KIF1A: variants seen among roughly 807,000 people sequenced by gnomAD.
KIF1A encodes kinesin family member 1A.
In KIF1A, 46 loss-of-function variants were observed where a neutral mutation model predicts 227.3. The ratio of observed to expected loss-of-function variants is 0.20; its 90% CI spans 0.16 to 0.26. The LOEUF is 0.26. KIF1A is among the 10% of genes least tolerant of loss of function. The probability of loss-of-function intolerance (pLI) is 1.00; values close to 1 mark genes in which losing one functional copy is unlikely to be tolerated. For synonymous variants in KIF1A, 1,022 were observed against 1,012.8 expected (o/e 1.01, Z -0.17); for missense variants, 1,683 against 2,485.9 (o/e 0.68, Z 6.87).
intron 33 of KIF1A, 110 bp from the exon 34 acceptor site, chr2:240,743,094 T>C (rs536856373): frequency 5.0e-6 from 4 of 798,910 alleles, no homozygotes. Flanking sequence ...CCTCCCACCC[T>C]CTCTTCTCCA....
Position 240,719,837 on chromosome 2 carries a change from G to A in KIF1A, c.4958C>T (p.Ala1653Val), listed in dbSNP as rs956276810. 1 of 1,611,514 alleles carries A rather than the reference G, an allele frequency of 6.2e-7. No individual in the cohort carries two copies. Among genetic ancestry groups the A allele is most frequent in the Non-Finnish European group, 8.5e-7 (1 of 1,179,156 alleles). ...DSKKLPSPAR[A>V]TETDKEPQRL... The stretch of plus-strand genomic sequence containing the variant: ...CTGGGGCTCCTTGTCTGTCTCTGTT[G>A]CCCGGGCAGGGGAAGGGAGCTTCTT... Residue 1653 changes from alanine to valine, a missense_variant, in exon 46 of 49, where the codon GCA becomes GTA. Physicochemically the swap from Ala to Val is moderately conservative, Grantham distance 64 (BLOSUM62 0). Coordinates refer to ENST00000498729, the MANE Select transcript of KIF1A (RefSeq NM_001244008.2).
chr2:240,735,833 C>A (rs954990530), intron 38 of KIF1A, among the ~76,000 whole-genome samples: 4 of 152,156 alleles, frequency 2.6e-5, no homozygotes, highest in Admixed American at 1.3e-4. Context: ...GTGCTCCCCC[C>A]TCATGGCACC....
intron 10 of KIF1A, among the ~76,000 whole-genome samples, chr2:240,779,621 CAGTTCCACACTCAGTTCCTCACTCACTT>C (rs2053328461): frequency 1.3e-5 from 2 of 151,280 alleles, no homozygotes; most frequent in African/African-American, 4.9e-5. Flanking sequence ...GTTCCTCACT[CAGTTCCACACTCAGTTCCTCACTCACTT>C]CCTCACAGTT....
intron 10 of KIF1A, among the ~76,000 whole-genome samples, chr2:240,777,452 G>A (rs56261100): frequency 1.4e-4 from 22 of 152,026 alleles, no homozygotes; most frequent in Non-Finnish European, 2.8e-4. Context: ...CTTCAGCAAG[G>A]AGCCCAGCAG....
At chr2:240,769,541 G>C in intron 16 of KIF1A, 86 bp downstream of exon 16, 1 of 1,136,570 alleles carries the variant, frequency 8.8e-7, no homozygotes, top group South Asian at 1.4e-5. Context: ...CAGCACTGGA[G>C]GGCAGGGCTC....
intron 37 of KIF1A, among the ~76,000 whole-genome samples, chr2:240,737,899 G>C (rs536916086): frequency 2.9e-4 from 44 of 152,350 alleles, no homozygotes; most frequent in Non-Finnish European, 6.0e-4. Context: ...GCATGGACAA[G>C]ATAAAACCCA....
Position 240,789,185 on chromosome 2 carries a change from T to C in KIF1A, c.183+51A>G. On this transcript the variant is annotated intron_variant, in intron 3 of 48. Coordinates refer to ENST00000498729, the MANE Select transcript of KIF1A (RefSeq NM_001244008.2). The surrounding 1 kb of genome is among the most constrained non-coding windows in gnomAD (Gnocchi z 4.8). ...AAGTTGAGGGACCCCGAGGGCCACATGGCCTATGCACTGCTGCCCCCGCCT... is the reference window on the plus strand; with the variant it reads ...AAGTTGAGGGACCCCGAGGGCCACACGGCCTATGCACTGCTGCCCCCGCCT... 6.9e-7 allele frequency: 1 copy of C among 1,444,294 alleles called. No individual in the cohort carries two copies. Among genetic ancestry groups the C allele is most frequent in the Non-Finnish European group, 9.7e-7 (1 of 1,026,304 alleles). 89.5% of individuals were successfully genotyped at this position (1,444,294 alleles called of 1,614,324 possible). A position where few individuals can be genotyped will look rare whatever the true frequency, so the allele number is the denominator to read the frequency against.
intron 38 of KIF1A, among the ~76,000 whole-genome samples, chr2:240,731,902 AGGGGAGGAG>A (rs1247688783): frequency 8.8e-5 from 2 of 22,830 alleles, no homozygotes; most frequent in Non-Finnish European, 1.8e-4. Flanking sequence ...GGAGGGGAGG[AGGGGAGGAG>A]GGGAGGAGGG....
At position 240,758,699 on chromosome 2, in the gene KIF1A, C is replaced by A. The variant is rs1364674176; in HGVS notation, c.2445-202G>T. ...GGTCAGTCACAAGTAACGTACTCAG[C>A]TAAGCACGCAAGGTCACCAACAGCT... On this transcript the variant is annotated intron_variant, in intron 25 of 48. Coordinates refer to ENST00000498729, the MANE Select transcript of KIF1A (RefSeq NM_001244008.2). The surrounding 1 kb of genome is among the most constrained non-coding windows in gnomAD (Gnocchi z 5.2). Among the ~76,000 whole-genome samples the A allele has an allele frequency of 6.6e-6, 1 of 152,180 alleles. No individual in the cohort carries two copies. Among genetic ancestry groups the A allele is most frequent in the Non-Finnish European group, 1.5e-5 (1 of 68,030 alleles).
chr2:240,814,609 G>A (rs986150839), intron 1 of KIF1A, among the ~76,000 whole-genome samples: 11 of 152,134 alleles, frequency 7.2e-5, no homozygotes, highest in African/African-American at 1.7e-4. Context: ...CTGGAGGTGC[G>A]ATAAAAGGGA....
Position 240,793,136 on chromosome 2 carries a change from G to A in KIF1A, c.107-3824C>T, listed in dbSNP as rs2055936998. ...TGCCCGTGCAGAGGGGCTTGCCCAG[G>A]TCCCCGACTGCTCGGGATTGGGGGA... On this transcript the variant is annotated intron_variant, in intron 2 of 48. Transcript: ENST00000498729. The surrounding 1 kb of genome is among the most constrained non-coding windows in gnomAD (Gnocchi z 4.8). Among the ~76,000 whole-genome samples, 4 of 152,310 alleles carry A rather than the reference G, an allele frequency of 2.6e-5. No homozygotes were observed. The South Asian group carries it at 8.3e-4, about 32-fold the overall frequency.
chr2:240,728,397 A>C, intron 38 of KIF1A: 1 of 1,302,604 alleles, frequency 7.7e-7, no homozygotes, highest in Non-Finnish European at 1.0e-6. Flanking sequence ...ACCTAGTGTC[A>C]TTTCCCAATG....
In KIF1A at chr2:240,720,170, C is replaced by T. The variant is rs1351605609; in HGVS notation, c.4869-244G>A. ...TCCCCCAGGAACCTCGGGGCCCAGC[C>T]AGGGAGCCTGTGCCCCACTCCACGC... is the stretch of plus-strand genomic sequence containing the variant. On this transcript the variant is annotated intron_variant, in intron 45 of 48. Coordinates refer to ENST00000498729, the MANE Select transcript of KIF1A (RefSeq NM_001244008.2). The T allele has an allele frequency of 7.3e-6, 3 of 408,732 alleles. No homozygotes were observed. The East Asian group carries it at 1.2e-4, about 16-fold the overall frequency. The allele number at this position is 408,732 out of a possible 1,614,324, so 25.3% of individuals were successfully genotyped here.
chr2:240,762,980 G>A (rs765327094), intron 22 of KIF1A, 39 bp downstream of exon 22: 25 of 1,438,148 alleles, frequency 1.7e-5, no homozygotes, highest in Non-Finnish European at 2.2e-5. Context: ...CCTGGTGTGG[G>A]TGGGGGCTGG....
intron 6 of KIF1A, among the ~76,000 whole-genome samples, chr2:240,785,447 T>C (rs1210357512): frequency 6.6e-6 from 1 of 152,146 alleles, no homozygotes; most frequent in Non-Finnish European, 1.5e-5. Context: ...GAAAGGGCTG[T>C]CCACTGTCCA....
At chr2:240,771,209 C>A in intron 14 of KIF1A, 105 bp from the exon 15 acceptor site, 1 of 1,362,504 alleles carries the variant, frequency 7.3e-7, no homozygotes, top group Admixed American at 1.8e-5. Flanking sequence ...GGCGGGCAGA[C>A]AGACAGAGGG....
chr2:240,750,383 G>T, intron 28 of KIF1A, 46 bp downstream of exon 28: 1 of 1,455,248 alleles, frequency 6.9e-7, no homozygotes, highest in Non-Finnish European at 9.6e-7. Context: ...GTCAGAGCCA[G>T]CCCCAGGGGC....
chr2:240,723,202 G>A (rs2045617241), intron 42 of KIF1A, among the ~76,000 whole-genome samples: 1 of 152,208 alleles, frequency 6.6e-6, no homozygotes, highest in African/African-American at 2.4e-5. Context: ...GCATGCCTCT[G>A]TGCTACACTG....
chr2:240,768,412 C>T (rs1047827411), intron 17 of KIF1A, among the ~76,000 whole-genome samples: 28 of 152,240 alleles, frequency 1.8e-4, no homozygotes, highest in Non-Finnish European at 3.1e-4. Context: ...GCTGGGCCGG[C>T]GGCCTGGAGC....
Sources: gnomAD v4.1 joint callset for allele counts (sites outside exome capture counted in the v4.1 genomes callset) on GRCh38, gnomAD v4.1.1 for gene constraint, Gnocchi (gnomAD v3.1) non-coding constraint, MANE v1.5 for transcripts, NCBI Gene and HGNC (gene_info 2026-07-23, HGNC 2026-07-21) for gene names.